Variants in PRAG1 observed in about 807,000 individuals in gnomAD.
The protein encoded by PRAG1 is PEAK1 related, kinase-activating pseudokinase 1, also known as inactive tyrosine-protein kinase PRAG1.
Under a neutral mutation model 95.6 loss-of-function variants are expected in PRAG1, and 110 were observed. That is an observed-to-expected ratio of 1.15 (90% CI 0.99 to 1.35). The LOEUF (loss-of-function observed/expected upper bound fraction) is 1.35, where lower values mean the gene tolerates loss of function less well. Among genes scored for constraint, PRAG1 ranks in the 40% most tolerant of loss-of-function variants. PRAG1 has a pLI of 0.00. For synonymous variants in PRAG1, 1,052 were observed against 819.4 expected (o/e 1.28, Z -4.85); for missense variants, 2,554 against 1,864.7 (o/e 1.37, Z -6.81).
chr8:8,366,122 T>A (rs982065684), intron 3 of PRAG1, among the ~76,000 whole-genome samples: 6 of 152,148 alleles, frequency 3.9e-5, no homozygotes, highest in Non-Finnish European at 8.8e-5. Context: ...ATAGTAACTG[T>A]TATTTACTAA....
chr8:8,370,620 C>T (rs1273697446), intron 3 of PRAG1, among the ~76,000 whole-genome samples: 1 of 152,206 alleles, frequency 6.6e-6, no homozygotes, highest in Non-Finnish European at 1.5e-5. Flanking sequence ...TAGAAGAACA[C>T]ATTGGAAGCT....
intron 1 of PRAG1, among the ~76,000 whole-genome samples, chr8:8,383,409 A>G (rs1158776257): frequency 6.6e-6 from 1 of 152,002 alleles, no homozygotes; most frequent in African/African-American, 2.4e-5. Context: ...TGTCTTTACA[A>G]AGATAATAAT....
intron 3 of PRAG1, among the ~76,000 whole-genome samples, chr8:8,350,824 T>G (rs143789574): frequency 0.011 from 1,686 of 152,258 alleles, 24 homozygotes; most frequent in African/African-American, 0.038. Flanking sequence ...ATGCAGTTAT[T>G]AGAAAGATTC....
intron 3 of PRAG1, among the ~76,000 whole-genome samples, chr8:8,356,901 CA>C (rs1411060940): frequency 6.6e-6 from 1 of 152,120 alleles, no homozygotes; most frequent in African/African-American, 2.4e-5. Flanking sequence ...AAATGATTTT[CA>C]ACAGGAGTGC....
intron 3 of PRAG1, among the ~76,000 whole-genome samples, chr8:8,371,542 A>G (rs1260107128): frequency 6.6e-6 from 1 of 152,040 alleles, no homozygotes; most frequent in Non-Finnish European, 1.5e-5. Flanking sequence ...TACAGGTGTG[A>G]GCCACCGCGC....
intron 5 of PRAG1, among the ~76,000 whole-genome samples, chr8:8,326,167 T>C (rs2945899): frequency 0.26 from 37,366 of 145,992 alleles, 4,954 homozygotes; most frequent in African/African-American, 0.33. Context: ...TAATAAATAA[T>C]TATAAATAAT....
chr8:8,321,378 C>G (rs974281100), intron 5 of PRAG1, among the ~76,000 whole-genome samples: 1 of 152,246 alleles, frequency 6.6e-6, no homozygotes, highest in Non-Finnish European at 1.5e-5. Context: ...AACCACGGTG[C>G]CTGGCCTGCA....
At chr8:8,341,195 G>T (rs1227204029) in intron 3 of PRAG1, among the ~76,000 whole-genome samples, 1 of 152,062 alleles carries the variant, frequency 6.6e-6, no homozygotes, top group Non-Finnish European at 1.5e-5. Context: ...ATCACTAAGG[G>T]AGAAACTACA....
intron 3 of PRAG1, among the ~76,000 whole-genome samples, chr8:8,374,063 T>C (rs1474197676): frequency 6.6e-6 from 1 of 152,238 alleles, no homozygotes; most frequent in Non-Finnish European, 1.5e-5. Flanking sequence ...TGGGTGTCAT[T>C]GCACAATCAG....
chr8:8,357,715 G>T (rs1264952878), intron 3 of PRAG1, among the ~76,000 whole-genome samples: 1 of 152,068 alleles, frequency 6.6e-6, no homozygotes, highest in Non-Finnish European at 1.5e-5. Context: ...CTGAAAACAG[G>T]GTCTCTAACA....
Position 8,377,887 on chromosome 8 carries a change from G to T in PRAG1, c.522C>A (p.Asn174Lys), listed in dbSNP as rs1309834494. 5 of 1,614,156 alleles carry T rather than the reference G, an allele frequency of 3.1e-6. No homozygotes were observed. The highest frequency in any genetic ancestry group is 3.4e-6 in the Non-Finnish European group (4 of 1,180,034). Reference protein sequence around the residue: ...LHNLEPRGERNIAFHPVSFPE... With the variant: ...LHNLEPRGERKIAFHPVSFPE... ...GGAAGCTCACCGGGTGGAAGGCAATGTTCCTCTCGCCGCGGGGCTCAAGGT... is the reference window on the plus strand; with the variant it reads ...GGAAGCTCACCGGGTGGAAGGCAATTTTCCTCTCGCCGCGGGGCTCAAGGT... Residue 174 changes from asparagine to lysine, a missense_variant, in exon 3 of 6, where the codon AAC becomes AAA. Coordinates refer to ENST00000615670, the MANE Select transcript of PRAG1 (RefSeq NM_001080826.3).
intron 3 of PRAG1, among the ~76,000 whole-genome samples, chr8:8,350,886 T>C (rs1383169292): frequency 6.7e-6 from 1 of 149,382 alleles, no homozygotes; most frequent in Non-Finnish European, 1.5e-5. Context: ...ACATAGAAAG[T>C]GCTCGTTAAA....
chr8:8,355,034 T>G (rs1165059473), intron 3 of PRAG1, among the ~76,000 whole-genome samples: 2 of 151,808 alleles, frequency 1.3e-5, no homozygotes, highest in African/African-American at 4.8e-5. Flanking sequence ...ATCCCAAGAA[T>G]TCCACCAAAA....
chr8:8,325,541 G>T (rs1798609474), intron 5 of PRAG1, among the ~76,000 whole-genome samples: 1 of 152,150 alleles, frequency 6.6e-6, no homozygotes. Flanking sequence ...GTTTATTAGA[G>T]AATACGGCTA....
At chr8:8,333,360 C>A (rs141046184) in intron 4 of PRAG1, among the ~76,000 whole-genome samples, 1 of 152,114 alleles carries the variant, frequency 6.6e-6, no homozygotes, top group Non-Finnish European at 1.5e-5. Context: ...ATGCCTTTAG[C>A]GAACGTGCTT....
intron 3 of PRAG1, among the ~76,000 whole-genome samples, chr8:8,356,639 C>T (rs536752355): frequency 5.5e-4 from 84 of 152,222 alleles, no homozygotes; most frequent in African/African-American, 2.0e-3. Flanking sequence ...TGAACCACCA[C>T]GACTGGCCTA....
In PRAG1 at chr8:8,373,454, A is replaced by ATTTTTTTTTTTTTTT. The variant is rs796490286; in HGVS notation, c.2162+2792_2162+2793insAAAAAAAAAAAAAAA. Reference sequence around the variant, plus strand: ...CTCTTAAGCTAATTTTATTTTCTAGATTTTTTTTTTTTTGAGACAGGGTCT... The same window carrying ATTTTTTTTTTTTTTT: ...CTCTTAAGCTAATTTTATTTTCTAGATTTTTTTTTTTTTTTTTTTTTTTTTTTTGAGACAGGGTCT... On this transcript the variant is annotated intron_variant, in intron 3 of 5. Transcript: ENST00000615670. 6.8e-4 allele frequency among the ~76,000 whole-genome samples: 94 copies of ATTTTTTTTTTTTTTT among 138,332 alleles called. 3 individuals are homozygous for ATTTTTTTTTTTTTTT. Among genetic ancestry groups the ATTTTTTTTTTTTTTT allele is most frequent in the South Asian group, 1.5e-3 (6 of 4,126 alleles). The allele number at this position is 138,332 out of a possible 152,430, so 90.8% of individuals were successfully genotyped here. A position where few individuals can be genotyped will look rare whatever the true frequency, so the allele number is the denominator to read the frequency against.
chr8:8,373,325 G>C (rs933639990), intron 3 of PRAG1, among the ~76,000 whole-genome samples: 1 of 152,124 alleles, frequency 6.6e-6, no homozygotes, highest in South Asian at 2.1e-4. Flanking sequence ...AGGGAGATCC[G>C]AAAGATAATG....
At position 8,381,883 on chromosome 8, in the gene PRAG1, A is replaced by T. The variant is rs1190054968; in HGVS notation, c.-87-49T>A. The T allele has an allele frequency of 7.8e-6, 5 of 642,314 alleles. No homozygotes were observed. In the East Asian group the frequency reaches 1.1e-4, roughly 14 times the overall value. 39.8% of individuals were successfully genotyped at this position (642,314 alleles called of 1,614,324 possible). A position where few individuals can be genotyped will look rare whatever the true frequency, so the allele number is the denominator to read the frequency against. ...GATTAGAGATTTGCCATGCCAGACA[A>T]TGGGTGCATTATCAATTAGAGTCTC... is the stretch of plus-strand genomic sequence containing the variant. On this transcript the variant is annotated intron_variant, in intron 1 of 5. Coordinates refer to ENST00000615670, the MANE Select transcript of PRAG1 (RefSeq NM_001080826.3).
Sources: allele counts gnomAD v4.1 joint callset (sites outside exome capture counted in the v4.1 genomes callset), GRCh38; gene constraint gnomAD v4.1.1; transcripts MANE v1.5; gene names NCBI Gene and HGNC (gene_info 2026-07-23, HGNC 2026-07-21).